The following CARMIL1 variants were observed in gnomAD, a reference collection of about 807,000 sequenced individuals.
CARMIL1 encodes capping protein regulator and myosin 1 linker 1.
Under a neutral mutation model 177.1 loss-of-function variants are expected in CARMIL1, and 90 were observed. The ratio of observed to expected loss-of-function variants is 0.51; its 90% CI spans 0.43 to 0.61. The LOEUF is 0.61. Ranked by LOEUF, CARMIL1 falls within the 20% of genes least tolerant of loss-of-function variation. The probability of loss-of-function intolerance (pLI) is 0.00; values close to 1 mark genes in which losing one functional copy is unlikely to be tolerated. For missense variants in CARMIL1, 1,380 were observed against 1,667.0 expected, an observed-to-expected ratio of 0.83 and a Z score of 3.00; for synonymous variants, 577 against 606.2, an observed-to-expected ratio of 0.95 and a Z score of 0.71.
At chr6:25,539,379 C>G (rs1450145174) in intron 25 of CARMIL1, among the ~76,000 whole-genome samples, 1 of 151,864 alleles carries the variant, frequency 6.6e-6, no homozygotes. Context: ...GGAGACTTGC[C>G]TGGTGTGGCA....
At chr6:25,434,518 ATTTTTTTT>A (rs5875039) in intron 4 of CARMIL1, among the ~76,000 whole-genome samples, 1 of 101,704 alleles carries the variant, frequency 9.8e-6, no homozygotes, top group East Asian at 2.8e-4. Context: ...GCTCAAAACC[ATTTTTTTT>A]TTTTTTTTTT....
intron 28 of CARMIL1, among the ~76,000 whole-genome samples, chr6:25,555,463 C>T (rs1810521033): frequency 2.0e-5 from 3 of 152,066 alleles, no homozygotes; most frequent in South Asian, 2.1e-4. Context: ...TGCAGTGGTG[C>T]GATCTTGGCT....
chr6:25,384,797 C>A (rs1242854035), intron 2 of CARMIL1, among the ~76,000 whole-genome samples: 1 of 152,198 alleles, frequency 6.6e-6, no homozygotes, highest in Non-Finnish European at 1.5e-5. Flanking sequence ...ATTCTATAAT[C>A]ATTGCTAATA....
intron 2 of CARMIL1, among the ~76,000 whole-genome samples, chr6:25,344,460 C>T (rs1353838223): frequency 2.0e-5 from 3 of 152,178 alleles, no homozygotes; most frequent in Non-Finnish European, 4.4e-5. Flanking sequence ...TCCCTCTCTT[C>T]ACCTGTTCTG....
At position 25,591,243 on chromosome 6, in the gene CARMIL1, G is replaced by A. The variant is rs79304891; in HGVS notation, c.3007-3172G>A. Among the ~76,000 whole-genome samples, 1,023 of 152,298 alleles carry A rather than the reference G, an allele frequency of 6.7e-3. 7 individuals carry two copies. Among genetic ancestry groups the A allele is most frequent in the Middle Eastern group, 0.031 (9 of 294 alleles). On this transcript the variant is annotated intron_variant, in intron 31 of 36. Transcript: ENST00000329474. ...TGGTGTATTCACTGTAATAATCCTG[G>A]CAGAGGGAAAACAGGGTGGTCTGAA...
At chr6:25,348,789 A>G (rs1428579685) in intron 2 of CARMIL1, among the ~76,000 whole-genome samples, 1 of 152,154 alleles carries the variant, frequency 6.6e-6, no homozygotes, top group East Asian at 1.9e-4. Context: ...TTAAAAAAAT[A>G]AAAAATAAAA....
rs1802171655 is a variant in CARMIL1, at chr6:25,482,093, A to G, written c.875-164A>G. On this transcript the variant is annotated intron_variant, in intron 11 of 36. Coordinates refer to ENST00000329474, the MANE Select transcript of CARMIL1 (RefSeq NM_017640.6). ...CTCTTACCCTGTAGGTAGGACAGAA[A>G]GAAAAGGGGACTTGATGGTAAATGT... is the stretch of plus-strand genomic sequence containing the variant. 2.0e-5 allele frequency among the ~76,000 whole-genome samples: 3 copies of G among 152,236 alleles called. No homozygotes were observed. In the South Asian group the frequency reaches 6.2e-4, roughly 32 times the overall value.
intron 8 of CARMIL1, among the ~76,000 whole-genome samples, chr6:25,463,333 C>T (rs1210269910): frequency 6.6e-6 from 1 of 152,032 alleles, no homozygotes; most frequent in Non-Finnish European, 1.5e-5. Flanking sequence ...CAGATGTTCA[C>T]TTTAGAATGC....
chr6:25,577,883 T>C lies in CARMIL1; in HGVS notation c.2743-3041T>C, dbSNP rs116700834. 7.1e-3 allele frequency among the ~76,000 whole-genome samples: 1,079 copies of C among 152,276 alleles called. 10 individuals are homozygous for C. The highest frequency in any genetic ancestry group is 0.021 in the African/African-American group (876 of 41,556). Reference sequence around the variant, plus strand: ...CAGTGTCTGCCACAATGGGGACTTATTGATGATTTGTGATGTTAGGACAAG... The same window carrying C: ...CAGTGTCTGCCACAATGGGGACTTACTGATGATTTGTGATGTTAGGACAAG... On this transcript the variant is annotated intron_variant, in intron 29 of 36. Transcript: ENST00000329474. The surrounding 1 kb of genome is among the most constrained non-coding windows in gnomAD (Gnocchi z 4.5).
Position 25,420,099 on chromosome 6 carries a change from G to C in CARMIL1, c.139-15G>C, listed in dbSNP as rs1795712372. ...TTTTGGTGCTTATACTGATGCTGCT[G>C]CTTCTGTCTTACAGGTCCTTACATC... On this transcript the variant is annotated splice_polypyrimidine_tract_variant and intron_variant, in intron 2 of 36. Coordinates refer to ENST00000329474, the MANE Select transcript of CARMIL1 (RefSeq NM_017640.6). 1 of 1,609,388 alleles carries C rather than the reference G, an allele frequency of 6.2e-7. No homozygotes were observed. Among genetic ancestry groups the C allele is most frequent in the Admixed American group, 1.7e-5 (1 of 59,964 alleles).
At chr6:25,451,101 A>G (rs775219993) in intron 8 of CARMIL1, among the ~76,000 whole-genome samples, 2 of 147,414 alleles carry the variant, frequency 1.4e-5, no homozygotes, top group African/African-American at 5.0e-5. Flanking sequence ...AGGAATCAGT[A>G]CAATCTAAGA....
intron 2 of CARMIL1, among the ~76,000 whole-genome samples, chr6:25,406,700 A>G (rs909703538): frequency 1.3e-4 from 20 of 152,158 alleles, no homozygotes; most frequent in Non-Finnish European, 2.6e-4. Context: ...TGGCTTTGGA[A>G]ACCATATGGA....
At chr6:25,456,008 C>G (rs1407989639) in intron 8 of CARMIL1, among the ~76,000 whole-genome samples, 1 of 152,174 alleles carries the variant, frequency 6.6e-6, no homozygotes, top group Non-Finnish European at 1.5e-5. Context: ...TACTACTGTC[C>G]TCACCCCTCT....
intron 5 of CARMIL1, among the ~76,000 whole-genome samples, chr6:25,444,375 C>A (rs1392025456): frequency 4.0e-5 from 6 of 150,750 alleles, no homozygotes; most frequent in Non-Finnish European, 8.9e-5. Context: ...TTCACAGTGT[C>A]TTTTTTTTTT....
At chr6:25,523,933 T>C (rs758030137) in intron 23 of CARMIL1, among the ~76,000 whole-genome samples, 20 of 152,170 alleles carry the variant, frequency 1.3e-4, no homozygotes, top group Admixed American at 9.2e-4. Context: ...AGGGGTCCAG[T>C]TTTAGGGAAC....
intron 5 of CARMIL1, among the ~76,000 whole-genome samples, chr6:25,439,333 G>A (rs544818283): frequency 2.6e-5 from 4 of 152,312 alleles, no homozygotes; most frequent in Admixed American, 6.5e-5. Flanking sequence ...GGGGCTTGGA[G>A]GAGAGGTCTG....
At chr6:25,579,832 T>C (rs898079833) in intron 29 of CARMIL1, among the ~76,000 whole-genome samples, 1 of 152,230 alleles carries the variant, frequency 6.6e-6, no homozygotes, top group African/African-American at 2.4e-5. Flanking sequence ...ACTATAGATT[T>C]GTTTGCTTTA....
rs535115074 is a variant in CARMIL1, at chr6:25,373,932, A to G, written c.139-46182A>G. On this transcript the variant is annotated intron_variant, in intron 2 of 36. Transcript: ENST00000329474. Reference sequence around the variant, plus strand: ...ACTTGAATCTTTTCCTGGTTAATCTAGCTAATCATCTATCGATTTTGTTTA... The same window carrying G: ...ACTTGAATCTTTTCCTGGTTAATCTGGCTAATCATCTATCGATTTTGTTTA... Among the ~76,000 whole-genome samples, 3 of 152,262 alleles carry G rather than the reference A, an allele frequency of 2.0e-5. No homozygotes were observed. In the East Asian group the frequency reaches 5.8e-4, roughly 29 times the overall value.
chr6:25,364,888 A>T (rs770311850), intron 2 of CARMIL1, among the ~76,000 whole-genome samples: 7 of 152,126 alleles, frequency 4.6e-5, no homozygotes, highest in Non-Finnish European at 8.8e-5. Flanking sequence ...GTACAGTGTC[A>T]TGCCCAAAGC....
Sources: allele counts gnomAD v4.1 joint callset (sites outside exome capture counted in the v4.1 genomes callset), GRCh38; gene constraint gnomAD v4.1.1; non-coding constraint Gnocchi (gnomAD v3.1); transcripts MANE v1.5; gene names NCBI Gene and HGNC (gene_info 2026-07-23, HGNC 2026-07-21).